XYLT1: variants seen among roughly 807,000 people sequenced by gnomAD.
The protein encoded by XYLT1 is beta-D-xylosyltransferase 1.
Under a neutral mutation model 91.3 loss-of-function variants are expected in XYLT1, and 36 were observed. The observed-to-expected ratio is 0.39, with a 90% CI of 0.30 to 0.52. The LOEUF (loss-of-function observed/expected upper bound fraction) is 0.52, where lower values mean the gene tolerates loss of function less well. Ranked by LOEUF, XYLT1 falls within the 20% of genes least tolerant of loss-of-function variation. XYLT1 has a pLI of 0.68. For missense variants in XYLT1, 1,242 were observed against 1,284.5 expected (o/e 0.97, Z 0.51); for synonymous variants, 588 against 532.0 (o/e 1.11, Z -1.45).
At chr16:17,327,078 A>T (rs754811357) in intron 2 of XYLT1, among the ~76,000 whole-genome samples, 5 of 152,212 alleles carry the variant, frequency 3.3e-5, no homozygotes, top group Non-Finnish European at 5.9e-5. Context: ...TGAGGAGCTA[A>T]TGGACAGCAC....
At position 17,435,453 on chromosome 16, in the gene XYLT1, G is replaced by C. The variant is rs560192860; in HGVS notation, c.363+34981C>G. 2.0e-4 allele frequency among the ~76,000 whole-genome samples: 30 copies of C among 152,262 alleles called. No homozygotes were observed. The South Asian group carries it at 5.6e-3, about 28-fold the overall frequency. ...TCACTTTCTTCTACGACACAAGCAA[G>C]TTTTTAAAAAAGGCAACGGCAGCTG... On this transcript the variant is annotated intron_variant, in intron 1 of 11. Coordinates refer to ENST00000261381, the MANE Select transcript of XYLT1 (RefSeq NM_022166.4).
At chr16:17,263,719 CTTTTT>C (rs2033759172) in intron 2 of XYLT1, among the ~76,000 whole-genome samples, 1 of 151,544 alleles carries the variant, frequency 6.6e-6, no homozygotes, top group Admixed American at 6.6e-5. Flanking sequence ...CTTTTCTTTT[CTTTTT>C]TGAGATGGAG....
At chr16:17,248,770 T>TG (rs1318685416) in intron 3 of XYLT1, among the ~76,000 whole-genome samples, 1 of 140,962 alleles carries the variant, frequency 7.1e-6, no homozygotes, top group Non-Finnish European at 1.5e-5. Context: ...TTTTTTGAGA[T>TG]GGAGTCTCGC....
chr16:17,353,023 T>C (rs2035242654), intron 2 of XYLT1, among the ~76,000 whole-genome samples: 1 of 152,222 alleles, frequency 6.6e-6, no homozygotes, highest in Admixed American at 6.5e-5. Context: ...TTCACAATCA[T>C]CATGGCCCCA....
intron 3 of XYLT1, among the ~76,000 whole-genome samples, chr16:17,231,093 A>AAAC (rs2033150766): frequency 2.0e-5 from 3 of 152,222 alleles, no homozygotes; most frequent in Non-Finnish European, 4.4e-5. Context: ...GTTCAGAAGG[A>AAAC]AACAGTTCAC....
intron 6 of XYLT1, among the ~76,000 whole-genome samples, chr16:17,154,824 C>A (rs952751005): frequency 6.6e-6 from 1 of 152,172 alleles, no homozygotes; most frequent in Non-Finnish European, 1.5e-5. Flanking sequence ...GAGATGAAGA[C>A]AGAAGGTCAA....
rs1490790111 is a variant in XYLT1 at position 17,149,425 on chromosome 16, T to A, written c.1371-8056A>T. On this transcript the variant is annotated intron_variant, in intron 6 of 11. Coordinates refer to ENST00000261381, the MANE Select transcript of XYLT1 (RefSeq NM_022166.4). Reference sequence around the variant, plus strand: ...TGAGAATGAAAGTACAAATGATACATCCAAAGTCACAATGCCTAGAAAAAA... The same window carrying A: ...TGAGAATGAAAGTACAAATGATACAACCAAAGTCACAATGCCTAGAAAAAA... 2.0e-5 allele frequency among the ~76,000 whole-genome samples: 3 copies of A among 152,096 alleles called. No homozygotes were observed. In the East Asian group the frequency reaches 5.8e-4, roughly 29 times the overall value.
rs577078687 is a variant in XYLT1 at position 17,437,247 on chromosome 16, T to C, written c.363+33187A>G. 3.3e-5 allele frequency among the ~76,000 whole-genome samples: 5 copies of C among 152,240 alleles called. No homozygotes were observed. In the South Asian group the frequency reaches 1.0e-3, roughly 32 times the overall value. ...CGATGCTTGCCAAAATCCAGACATC[T>C]CAGACATGAAGGCAAGAGATCCGGA... On this transcript the variant is annotated intron_variant, in intron 1 of 11. Coordinates refer to ENST00000261381, the MANE Select transcript of XYLT1 (RefSeq NM_022166.4).
At chr16:17,376,284 A>T (rs1199474946) in intron 1 of XYLT1, among the ~76,000 whole-genome samples, 2 of 152,218 alleles carry the variant, frequency 1.3e-5, no homozygotes, top group Non-Finnish European at 2.9e-5. Flanking sequence ...TACAATGCAC[A>T]GGTCAGCTGA....
intron 5 of XYLT1, among the ~76,000 whole-genome samples, chr16:17,171,734 G>A (rs2031824793): frequency 6.6e-6 from 1 of 152,236 alleles, no homozygotes; most frequent in African/African-American, 2.4e-5. Flanking sequence ...CCCCAGGTTG[G>A]GGCTGGGCAG....
intron 2 of XYLT1, among the ~76,000 whole-genome samples, chr16:17,349,949 C>G (rs1469276931): frequency 1.3e-5 from 2 of 151,976 alleles, no homozygotes; most frequent in African/African-American, 4.8e-5. Flanking sequence ...TCTCAGCTCA[C>G]TGCAAGCTCC....
At chr16:17,279,637 G>T (rs1026110927) in intron 2 of XYLT1, among the ~76,000 whole-genome samples, 2 of 152,178 alleles carry the variant, frequency 1.3e-5, no homozygotes, top group African/African-American at 4.8e-5. Flanking sequence ...CTAACTATTG[G>T]TGCAGAGAGT....
At chr16:17,463,042 A>G (rs2036842877) in intron 1 of XYLT1, among the ~76,000 whole-genome samples, 2 of 152,290 alleles carry the variant, frequency 1.3e-5, no homozygotes, top group South Asian at 4.1e-4. Context: ...TAAGAATGAA[A>G]CTAGGCCCCA....
intron 1 of XYLT1, among the ~76,000 whole-genome samples, chr16:17,360,163 G>C (rs969003975): frequency 2.0e-5 from 3 of 152,350 alleles, no homozygotes; most frequent in African/African-American, 7.2e-5. Flanking sequence ...CAAAGCACCA[G>C]ACTGGGGTGT....
intron 1 of XYLT1, among the ~76,000 whole-genome samples, chr16:17,364,042 A>T (rs2035416068): frequency 6.6e-6 from 1 of 152,168 alleles, no homozygotes; most frequent in Non-Finnish European, 1.5e-5. Flanking sequence ...ATTTAATGCA[A>T]TCACCTCAGT....
intron 1 of XYLT1, among the ~76,000 whole-genome samples, chr16:17,404,453 T>A (rs1047096671): frequency 6.6e-6 from 1 of 152,152 alleles, no homozygotes; most frequent in Admixed American, 6.5e-5. Context: ...TGTTGCCCCA[T>A]TTAACCTCCA....
intron 5 of XYLT1, among the ~76,000 whole-genome samples, chr16:17,172,941 T>G (rs546236576): frequency 6.6e-6 from 1 of 152,282 alleles, no homozygotes; most frequent in East Asian, 1.9e-4. Flanking sequence ...CATTTACAGA[T>G]ATTTCTTTCT....
intron 2 of XYLT1, among the ~76,000 whole-genome samples, chr16:17,326,855 CACA>C (rs1367794918): frequency 1.3e-5 from 2 of 151,518 alleles, no homozygotes; most frequent in African/African-American, 4.8e-5. Context: ...AAAACAAAAA[CACA>C]ACAAAAAAAA....
chr16:17,269,914 C>A (rs902165897), intron 2 of XYLT1, among the ~76,000 whole-genome samples: 1 of 151,994 alleles, frequency 6.6e-6, no homozygotes, highest in Non-Finnish European at 1.5e-5. Flanking sequence ...CGGGTTCAAG[C>A]AATTCTCCTG....
Sources: gnomAD v4.1 joint callset for allele counts (sites outside exome capture counted in the v4.1 genomes callset) on GRCh38, gnomAD v4.1.1 for gene constraint, MANE v1.5 for transcripts, NCBI Gene and HGNC (gene_info 2026-07-23, HGNC 2026-07-21) for gene names.